ARFGEF3: variants seen among roughly 807,000 people sequenced by gnomAD.
The protein encoded by ARFGEF3 is brefeldin A-inhibited guanine nucleotide-exchange protein 3.
A neutral mutation model predicts 221.7 loss-of-function variants in ARFGEF3; 96 were observed. The ratio of observed to expected loss-of-function variants is 0.43; its 90% CI spans 0.37 to 0.51. The LOEUF is 0.51. ARFGEF3 is among the 20% of genes least tolerant of loss of function. ARFGEF3 has a pLI of 0.00. For synonymous variants in ARFGEF3, 1,145 were observed against 1,126.8 expected, an observed-to-expected ratio of 1.02 and a Z score of -0.32; for missense variants, 2,410 against 2,789.9, an observed-to-expected ratio of 0.86 and a Z score of 3.07.
At chr6:138,219,350 C>T (rs1777935722) in intron 4 of ARFGEF3, among the ~76,000 whole-genome samples, 1 of 152,052 alleles carries the variant, frequency 6.6e-6, no homozygotes, top group Non-Finnish European at 1.5e-5. Flanking sequence ...CTCTAGAGGG[C>T]CTGCTCTCTG....
At chr6:138,259,859 A>T (rs1368876325) in intron 10 of ARFGEF3, among the ~76,000 whole-genome samples, 1 of 152,152 alleles carries the variant, frequency 6.6e-6, no homozygotes, top group Non-Finnish European at 1.5e-5. Flanking sequence ...GGTTGCAGTG[A>T]GCCAAGATTG....
intron 14 of ARFGEF3, among the ~76,000 whole-genome samples, chr6:138,282,882 C>G (rs1779222377): frequency 6.6e-6 from 1 of 151,954 alleles, no homozygotes; most frequent in African/African-American, 2.4e-5. Flanking sequence ...AACCCCATCT[C>G]TACAAAAAAA....
chr6:138,296,906 T>C lies in ARFGEF3; in HGVS notation c.3599T>C (p.Leu1200Pro). The change falls in exon 21 of 34, where the codon CTG becomes CCG. Residue 1200 changes from leucine (L) to proline (P), a missense_variant. By Grantham distance (98) the Leu-to-Pro change is moderately conservative. Transcript: ENST00000251691. ...LRIVRSKARP[L>P]LHVMRCWSLV... ...ATTGTGCGGAGCAAAGCACGGCCCCTGCTCCACGTGATGCGCTGCTGGAGC... is the reference window on the plus strand; with the variant it reads ...ATTGTGCGGAGCAAAGCACGGCCCCCGCTCCACGTGATGCGCTGCTGGAGC... 1 of 1,613,980 alleles carries C rather than the reference T, an allele frequency of 6.2e-7. No individual in the cohort carries two copies.
At chr6:138,231,775 A>G (rs1408581055) in intron 5 of ARFGEF3, among the ~76,000 whole-genome samples, 2 of 152,200 alleles carry the variant, frequency 1.3e-5, no homozygotes, top group Non-Finnish European at 2.9e-5. Flanking sequence ...CCTGCTGATC[A>G]GGAAGTGGGA....
At chr6:138,319,996 A>T in intron 28 of ARFGEF3, 117 bp downstream of exon 28, 11 of 824,082 alleles carry the variant, frequency 1.3e-5, no homozygotes, top group Non-Finnish European at 2.1e-5. Flanking sequence ...TTGTCCTGGG[A>T]ATTATTAAAA....
At chr6:138,166,141 G>A (rs917443059) in intron 1 of ARFGEF3, among the ~76,000 whole-genome samples, 2 of 152,170 alleles carry the variant, frequency 1.3e-5, no homozygotes, top group African/African-American at 2.4e-5. Context: ...AGGGACTGCC[G>A]TTTATGCTTC....
chr6:138,248,928 G>A (rs1438067325), intron 8 of ARFGEF3, among the ~76,000 whole-genome samples: 3 of 152,182 alleles, frequency 2.0e-5, no homozygotes, highest in Non-Finnish European at 2.9e-5. Flanking sequence ...TTGTTCCTTA[G>A]TCAGAAAAGA....
chr6:138,164,528 G>T (rs1776683217), intron 1 of ARFGEF3, among the ~76,000 whole-genome samples: 1 of 152,146 alleles, frequency 6.6e-6, no homozygotes, highest in African/African-American at 2.4e-5. Context: ...GACTCTCTTA[G>T]AGTACCTACT....
At chr6:138,202,452 T>C (rs1193849720) in intron 2 of ARFGEF3, among the ~76,000 whole-genome samples, 1 of 152,156 alleles carries the variant, frequency 6.6e-6, no homozygotes, top group African/African-American at 2.4e-5. Context: ...AATTTCCTTC[T>C]TTTGCATATG....
intron 14 of ARFGEF3, among the ~76,000 whole-genome samples, chr6:138,281,511 G>C (rs2114620930): frequency 6.6e-6 from 1 of 152,222 alleles, no homozygotes; most frequent in South Asian, 2.1e-4. Context: ...TTACCGTCTG[G>C]ACGTCCATGA....
In ARFGEF3 at chr6:138,183,111, G is replaced by A. The variant is rs186365901; in HGVS notation, c.137+12398G>A. Among the ~76,000 whole-genome samples, 40 of 152,272 alleles carry A rather than the reference G, an allele frequency of 2.6e-4. No homozygotes were observed. In the East Asian group the frequency reaches 5.0e-3, roughly 19 times the overall value. ...TGGTAGGACAGAAGCCAGGAAACTG[G>A]GTCCAGCTGTGCTTGGGGGTTGGGA... On this transcript the variant is annotated intron_variant, in intron 2 of 33. Coordinates refer to ENST00000251691, the MANE Select transcript of ARFGEF3 (RefSeq NM_020340.5).
chr6:138,198,564 C>A (rs1465741895), intron 2 of ARFGEF3, among the ~76,000 whole-genome samples: 6 of 152,204 alleles, frequency 3.9e-5, no homozygotes, highest in Non-Finnish European at 7.3e-5. Flanking sequence ...TATTCATTAA[C>A]ATGAATAATA....
chr6:138,305,005 G>A (rs189444809), intron 22 of ARFGEF3, among the ~76,000 whole-genome samples: 1 of 151,646 alleles, frequency 6.6e-6, no homozygotes, highest in Non-Finnish European at 1.5e-5. Flanking sequence ...TTCCATGACT[G>A]TTATGGCGGG....
At chr6:138,329,648 AGT>A (rs756765549) in intron 32 of ARFGEF3, among the ~76,000 whole-genome samples, 16 of 152,208 alleles carry the variant, frequency 1.1e-4, no homozygotes, top group Non-Finnish European at 1.9e-4. Flanking sequence ...TGGGTGATAG[AGT>A]GAGACTCTGT....
intron 12 of ARFGEF3, among the ~76,000 whole-genome samples, chr6:138,277,786 C>G (rs754400862): frequency 6.6e-6 from 1 of 152,062 alleles, no homozygotes; most frequent in African/African-American, 2.4e-5. Flanking sequence ...TAATATAAAA[C>G]TGGGTAGAAT....
intron 21 of ARFGEF3, 27 bp from the exon 22 acceptor site, chr6:138,298,579 T>C: frequency 6.3e-7 from 1 of 1,597,858 alleles, no homozygotes; most frequent in Non-Finnish European, 8.5e-7. Context: ...GTCCTGATGG[T>C]GAGCCACTCT....
At chr6:138,250,156 C>A (rs1026607879) in intron 8 of ARFGEF3, among the ~76,000 whole-genome samples, 1 of 152,160 alleles carries the variant, frequency 6.6e-6, no homozygotes, top group African/African-American at 2.4e-5. Flanking sequence ...AAAATCAGTG[C>A]CTCTTAGGGC....
At chr6:138,275,533 G>A (rs180962294) in intron 12 of ARFGEF3, among the ~76,000 whole-genome samples, 20 of 151,996 alleles carry the variant, frequency 1.3e-4, no homozygotes, top group Admixed American at 5.9e-4. Flanking sequence ...GGTGGGTCAC[G>A]AGGTCTTCGA....
At chr6:138,305,290 C>CA (rs148768146) in intron 22 of ARFGEF3, among the ~76,000 whole-genome samples, 118 of 137,132 alleles carry the variant, frequency 8.6e-4, no homozygotes, top group Admixed American at 1.9e-3. Flanking sequence ...TGAAATTAGA[C>CA]AAAAAAAAAA....
Sources: allele counts gnomAD v4.1 joint callset (sites outside exome capture counted in the v4.1 genomes callset), GRCh38; gene constraint gnomAD v4.1.1; transcripts MANE v1.5; gene names NCBI Gene and HGNC (gene_info 2026-07-23, HGNC 2026-07-21).